Variants in ARF1 observed in about 807,000 individuals in gnomAD.
ARF1 encodes ARF GTPase 1.
A neutral mutation model predicts 18.0 loss-of-function variants in ARF1; 1 was observed. The ratio of observed to expected loss-of-function variants is 0.06; its 90% confidence interval spans 0.02 to 0.26. The LOEUF (loss-of-function observed/expected upper bound fraction) is 0.26. Ranked by LOEUF, ARF1 falls within the 10% of genes least tolerant of loss-of-function variation. The pLI is 1.00. For missense variants in ARF1, 73 were observed against 247.2 expected (o/e 0.30, Z 4.73); for synonymous variants, 112 against 96.3 (o/e 1.16, Z -0.95).
chr1:228,094,274 G>T (rs892799149), intron 1 of ARF1, among the ~76,000 whole-genome samples: 4 of 152,048 alleles, frequency 2.6e-5, no homozygotes, highest in African/African-American at 9.7e-5. Flanking sequence ...CTGCTGACTT[G>T]GTGTCCTAGG....
intron 1 of ARF1, among the ~76,000 whole-genome samples, chr1:228,086,202 C>A (rs556559961): frequency 6.6e-6 from 1 of 152,314 alleles, no homozygotes; most frequent in Admixed American, 6.5e-5. Context: ...TCAGACTGAA[C>A]CACACTTAAG....
intron 1 of ARF1, among the ~76,000 whole-genome samples, chr1:228,095,552 T>C (rs2032716172): frequency 6.6e-6 from 1 of 152,228 alleles, no homozygotes; most frequent in Admixed American, 6.5e-5. Flanking sequence ...GTTCACCAGC[T>C]GTTGTGTTAG....
At chr1:228,087,840 C>T (rs2032453634) in intron 1 of ARF1, among the ~76,000 whole-genome samples, 1 of 152,178 alleles carries the variant, frequency 6.6e-6, no homozygotes. Flanking sequence ...CTGACCCACA[C>T]ATGAGTACAG....
At chr1:228,091,318 C>G (rs1446911623) in intron 1 of ARF1, among the ~76,000 whole-genome samples, 7 of 152,226 alleles carry the variant, frequency 4.6e-5, no homozygotes, top group Non-Finnish European at 8.8e-5. Flanking sequence ...TCCCTTAACT[C>G]AAGGCCAGCA....
chr1:228,098,136 G>A lies in ARF1; in HGVS notation c.*123G>A, dbSNP rs555307225. On this transcript the variant is annotated 3_prime_UTR_variant, in exon 5 of 5. Transcript: ENST00000272102. The stretch of plus-strand genomic sequence containing the variant: ...GTTTGGTCACCGTGTGCATCGCACC[G>A]TGCTGTAAATGTGGCAGACGCAGCC... 12 of 1,216,146 alleles carry A rather than the reference G, an allele frequency of 9.9e-6. No individual in the cohort carries two copies. Among genetic ancestry groups the A allele is most frequent in the South Asian group, 5.5e-5 (3 of 54,060 alleles). The allele number at this position is 1,216,146 out of a possible 1,614,324, so 75.3% of individuals were successfully genotyped here. A position where few individuals can be genotyped will look rare whatever the true frequency, so the allele number is the denominator to read the frequency against.
In ARF1 at chr1:228,098,038, C is replaced by G; in HGVS notation, c.*25C>G. On this transcript the variant is annotated 3_prime_UTR_variant, in exon 5 of 5. Transcript: ENST00000272102. ...AACGCGACCCCCCTCCCTCTCACTC[C>G]TCTTGCCCTCTGCTTTACTCTCATG... is the stretch of plus-strand genomic sequence containing the variant. 6.3e-7 allele frequency: 1 copy of G among 1,594,452 alleles called. No individual in the cohort carries two copies. Among genetic ancestry groups the G allele is most frequent in the African/African-American group, 1.3e-5 (1 of 74,670 alleles).
intron 1 of ARF1, among the ~76,000 whole-genome samples, chr1:228,087,939 CA>C (rs1046283142): frequency 4.6e-5 from 7 of 152,176 alleles, no homozygotes; most frequent in African/African-American, 1.7e-4. Context: ...CAGATGTGTA[CA>C]GTTGATCTTC....
intron 1 of ARF1, among the ~76,000 whole-genome samples, chr1:228,093,069 G>T (rs1194055938): frequency 6.6e-6 from 1 of 152,172 alleles, no homozygotes; most frequent in African/African-American, 2.4e-5. Flanking sequence ...AGTAGCCACT[G>T]GTGGCTCCTG....
chr1:228,084,766 A>G (rs987888044), intron 1 of ARF1, among the ~76,000 whole-genome samples: 17 of 152,248 alleles, frequency 1.1e-4, no homozygotes, highest in African/African-American at 4.1e-4. Context: ...AAGTAGACCT[A>G]AGAGAAAAAA....
At chr1:228,086,514 TC>T (rs1232297387) in intron 1 of ARF1, among the ~76,000 whole-genome samples, 4 of 140,234 alleles carry the variant, frequency 2.9e-5, no homozygotes, top group Admixed American at 2.1e-4. Context: ...AGACTTTGTC[TC>T]AAAAAAAAAA....
intron 1 of ARF1, among the ~76,000 whole-genome samples, chr1:228,093,421 T>A (rs1316510673): frequency 6.6e-6 from 1 of 152,108 alleles, no homozygotes; most frequent in African/African-American, 2.4e-5. Context: ...GTGGGGATGC[T>A]GGAACATGCC....
At chr1:228,091,770 A>C (rs1434581146) in intron 1 of ARF1, among the ~76,000 whole-genome samples, 1 of 152,206 alleles carries the variant, frequency 6.6e-6, no homozygotes, top group Non-Finnish European at 1.5e-5. Context: ...TGTCAGGCCT[A>C]CAGAAATGGA....
At chr1:228,085,051 G>A (rs985703081) in intron 1 of ARF1, among the ~76,000 whole-genome samples, 2 of 152,212 alleles carry the variant, frequency 1.3e-5, no homozygotes, top group Admixed American at 1.3e-4. Flanking sequence ...ATTCAAGAGG[G>A]TGAAAGGAAA....
intron 1 of ARF1, among the ~76,000 whole-genome samples, chr1:228,084,294 A>G (rs776169258): frequency 3.9e-5 from 6 of 152,254 alleles, no homozygotes; most frequent in Non-Finnish European, 7.3e-5. Context: ...AATGTTAGTC[A>G]CACATCTCAT....
Position 228,089,355 on chromosome 1 carries a change from C to T in ARF1, c.-38+6590C>T, listed in dbSNP as rs1314005326. On this transcript the variant is annotated intron_variant, in intron 1 of 4. Transcript: ENST00000272102. The surrounding 1 kb of genome is among the most constrained non-coding windows in gnomAD (Gnocchi z 4.1). ...GAGGATTTCCTGCAAGGGCGGTGGC[C>T]TCCCAGGGTCTGTGGGGGGGCATCC... Among the ~76,000 whole-genome samples the T allele has an allele frequency of 6.6e-6, 1 of 152,140 alleles. No individual in the cohort carries two copies. Among genetic ancestry groups the T allele is most frequent in the Non-Finnish European group, 1.5e-5 (1 of 68,032 alleles).
At chr1:228,088,726 G>A (rs554648509) in intron 1 of ARF1, among the ~76,000 whole-genome samples, 1 of 152,292 alleles carries the variant, frequency 6.6e-6, no homozygotes, top group South Asian at 2.1e-4. Context: ...AGCCTGGTAA[G>A]GGTGGTTCTC....
rs2032769484 is a variant in ARF1 at position 228,097,034 on chromosome 1, G to C, written c.-37-44G>C. ...GGTGGGTGGGTTCTGAGCAACCACT[G>C]CTGGGCAGCACAGAACCAGACATGG... is the stretch of plus-strand genomic sequence containing the variant. On this transcript the variant is annotated intron_variant, in intron 1 of 4. Coordinates refer to ENST00000272102, the MANE Select transcript of ARF1 (RefSeq NM_001658.4). This position sits in a 1 kb window ranked among gnomAD's most constrained non-coding sequence, Gnocchi z 8.1. 2.7e-6 allele frequency: 4 copies of C among 1,506,736 alleles called. No homozygotes were observed. Among genetic ancestry groups the C allele is most frequent in the South Asian group, 2.6e-5 (2 of 75,988 alleles). The allele number at this position is 1,506,736 out of a possible 1,614,324, so 93.3% of individuals were successfully genotyped here.
At chr1:228,084,920 C>T (rs2032345566) in intron 1 of ARF1, among the ~76,000 whole-genome samples, 1 of 152,204 alleles carries the variant, frequency 6.6e-6, no homozygotes, top group Non-Finnish European at 1.5e-5. Context: ...CCAAGCTTTC[C>T]TACACACTTC....
chr1:228,086,143 G>A (rs912706057), intron 1 of ARF1, among the ~76,000 whole-genome samples: 2 of 152,196 alleles, frequency 1.3e-5, no homozygotes, highest in Admixed American at 6.5e-5. Context: ...GCCTTCAGTA[G>A]TTAACAGCAT....
Sources: allele counts gnomAD v4.1 joint callset (sites outside exome capture counted in the v4.1 genomes callset), GRCh38; gene constraint gnomAD v4.1.1; non-coding constraint Gnocchi (gnomAD v3.1); transcripts MANE v1.5; gene names NCBI Gene and HGNC (gene_info 2026-07-23, HGNC 2026-07-21).